Variants in RGS18 observed in about 807,000 individuals in gnomAD.
RGS18 encodes regulator of G protein signaling 18, also known as regulator of G-protein signaling 18.
Under a neutral mutation model 27.6 loss-of-function variants are expected in RGS18, and 22 were observed. The observed-to-expected ratio is 0.80, with a 90% confidence interval of 0.57 to 1.14. The LOEUF (loss-of-function observed/expected upper bound fraction) is 1.14, where lower values mean the gene tolerates loss of function less well. Ranked by LOEUF, RGS18 falls within the 50% of genes most tolerant of loss-of-function variation. The pLI is 0.00. For missense variants in RGS18, 299 were observed against 269.6 expected (o/e 1.11, Z -0.76); for synonymous variants, 89 against 84.6 (o/e 1.05, Z -0.29).
At position 192,160,376 on chromosome 1, in the gene RGS18, A is replaced by G; in HGVS notation, c.222-2A>G. The G allele has an allele frequency of 1.2e-6, 2 of 1,607,892 alleles. No homozygotes were observed. The highest frequency in any genetic ancestry group is 1.7e-6 in the Non-Finnish European group (2 of 1,174,732). ...TTATAAAACATTTTGTTTCTTGTAC[A>G]GAGTCTCCCCTGAAGAGGCAGTGAA... On this transcript the variant is annotated splice_acceptor_variant, in intron 2 of 4. Coordinates refer to ENST00000367460, the MANE Select transcript of RGS18 (RefSeq NM_130782.3). LOFTEE classifies it high-confidence loss of function.
intron 3 of RGS18, chr1:192,169,785 A>C (rs966828011): frequency 1.3e-5 from 2 of 152,190 alleles, no homozygotes; most frequent in African/African-American, 2.4e-5. Flanking sequence ...ATACTAAGAT[A>C]CTGACCCTGC....
intron 1 of RGS18, 27 bp from the exon 2 acceptor site, chr1:192,159,193 C>A (rs372304453): frequency 1.3e-6 from 2 of 1,510,392 alleles, no homozygotes; most frequent in African/African-American, 1.4e-5. Context: ...TCTAAATTGT[C>A]CTGACATGAA....
chr1:192,180,910 G>C (rs1656441335), intron 3 of RGS18, among the ~76,000 whole-genome samples: 1 of 151,610 alleles, frequency 6.6e-6, no homozygotes, highest in African/African-American at 2.4e-5. Flanking sequence ...CCAAAGGCAT[G>C]GTGTAGAAGT....
chr1:192,163,144 G>C (rs1469756005), intron 3 of RGS18: 1 of 152,162 alleles, frequency 6.6e-6, no homozygotes, highest in Non-Finnish European at 1.5e-5. Flanking sequence ...AACAGAAATA[G>C]ATTTCTGTCA....
rs1378401082 is a variant in RGS18, at chr1:192,185,565, TTAAG to T, written c.*1015_*1018del. The T allele has an allele frequency of 4.6e-5, 7 of 151,674 alleles. No individual in the cohort carries two copies. The highest frequency in any genetic ancestry group is 8.9e-5 in the Non-Finnish European group (6 of 67,726). The allele number at this position is 151,674 out of a possible 1,614,324, so 9.4% of individuals were successfully genotyped here. ...TTATATTCTTGTTAAGCAAATCTCCTTAAGTAATTATTATTCAAATAAGATTATA... is the reference window on the plus strand; with the variant it reads ...TTATATTCTTGTTAAGCAAATCTCCTTAATTATTATTCAAATAAGATTATA... On this transcript the variant is annotated 3_prime_UTR_variant, in exon 5 of 5. Transcript: ENST00000367460.
At position 192,160,385 on chromosome 1, in the gene RGS18, C is replaced by T. The variant is rs2102149478; in HGVS notation, c.229C>T (p.Pro77Ser). 3 of 1,610,824 alleles carry T rather than the reference C, an allele frequency of 1.9e-6. No homozygotes were observed. Among genetic ancestry groups the T allele is most frequent in the East Asian group, 4.5e-5 (2 of 44,750 alleles). ...ATTTTGTTTCTTGTACAGAGTCTCCCCTGAAGAGGCAGTGAAATGGGGTGA... is the reference window on the plus strand; with the variant it reads ...ATTTTGTTTCTTGTACAGAGTCTCCTCTGAAGAGGCAGTGAAATGGGGTGA... ...GHLAKETRVSPEEAVKWGESF... is the reference protein window; with the variant it reads ...GHLAKETRVSSEEAVKWGESF... The change falls in exon 3 of 5, where the codon CCT (proline) becomes TCT (serine). Residue 77 changes from proline (P) to serine (S), a missense_variant. Transcript: ENST00000367460.
At chr1:192,161,010 C>T (rs1331764578) in intron 3 of RGS18, among the ~76,000 whole-genome samples, 4 of 152,210 alleles carry the variant, frequency 2.6e-5, no homozygotes, top group African/African-American at 7.2e-5. Context: ...CCACCACGCC[C>T]GGCTAATTTT....
intron 3 of RGS18, among the ~76,000 whole-genome samples, chr1:192,177,950 T>C (rs772965212): frequency 6.6e-6 from 1 of 151,622 alleles, no homozygotes; most frequent in Non-Finnish European, 1.5e-5. Flanking sequence ...ATGTGGATAA[T>C]AGTCTTGGAG....
At chr1:192,170,081 A>T (rs928374897) in intron 3 of RGS18, among the ~76,000 whole-genome samples, 2 of 152,212 alleles carry the variant, frequency 1.3e-5, no homozygotes, top group Non-Finnish European at 2.9e-5. Context: ...CTAACTGCCG[A>T]AAGTTTAGTT....
intron 3 of RGS18, among the ~76,000 whole-genome samples, chr1:192,175,798 G>A (rs77063035): frequency 0.019 from 2,942 of 151,908 alleles, 61 homozygotes; most frequent in South Asian, 0.073. Context: ...TACCAATTAA[G>A]CCCCCTATGT....
intron 3 of RGS18, among the ~76,000 whole-genome samples, chr1:192,178,348 G>A (rs1047860923): frequency 3.3e-5 from 5 of 151,610 alleles, no homozygotes; most frequent in African/African-American, 1.2e-4. Flanking sequence ...TGGAGCTCAG[G>A]AAAAAGGCTT....
At chr1:192,179,281 A>G (rs1656408761) in intron 3 of RGS18, among the ~76,000 whole-genome samples, 1 of 151,616 alleles carries the variant, frequency 6.6e-6, no homozygotes, top group Non-Finnish European at 1.5e-5. Flanking sequence ...GGCTATAACT[A>G]GAGAGTGAGA....
rs530209467 is a variant in RGS18, at chr1:192,184,774, GA to G, written c.*228del. The stretch of plus-strand genomic sequence containing the variant: ...TTTGATGTCATTCCATTTATAATCA[GA>G]AAAAAAACTTATTTCTTAATCAAAA... On this transcript the variant is annotated 3_prime_UTR_variant, in exon 5 of 5. Coordinates refer to ENST00000367460, the MANE Select transcript of RGS18 (RefSeq NM_130782.3). 1.2e-4 allele frequency: 50 copies of G among 421,932 alleles called. No homozygotes were observed. Among genetic ancestry groups the G allele is most frequent in the African/African-American group, 2.2e-4 (11 of 49,270 alleles). The allele number at this position is 421,932 out of a possible 1,614,324, so 26.1% of individuals were successfully genotyped here.
chr1:192,172,880 T>A (rs905735408), intron 3 of RGS18, among the ~76,000 whole-genome samples: 4 of 139,598 alleles, frequency 2.9e-5, no homozygotes, highest in African/African-American at 7.6e-5. Flanking sequence ...TATATATATA[T>A]ATAAATATAT....
Position 192,159,280 on chromosome 1 carries a change from C to T in RGS18, c.180C>T (p.Asp60=), listed in dbSNP as rs1656028836. Residue 60 remains aspartate (D), a synonymous_variant, in exon 2 of 5, where the codon GAC becomes GAT. Transcript: ENST00000367460. The part of the protein sequence containing the change: ...LLVQKPEFHE[D]TRSSRSGHLA... ...TGCAGAAACCTGAGTTTCATGAAGACACCCGCTCCAGTAGATCTGGGCACT... is the reference window on the plus strand; with the variant it reads ...TGCAGAAACCTGAGTTTCATGAAGATACCCGCTCCAGTAGATCTGGGCACT... 1 of 1,613,678 alleles carries T rather than the reference C, an allele frequency of 6.2e-7. No homozygotes were observed. Among genetic ancestry groups the T allele is most frequent in the Non-Finnish European group, 8.5e-7 (1 of 1,179,632 alleles).
At chr1:192,179,431 A>G (rs1176279737) in intron 3 of RGS18, among the ~76,000 whole-genome samples, 2 of 151,716 alleles carry the variant, frequency 1.3e-5, no homozygotes, top group South Asian at 4.1e-4. Context: ...CCATACACCC[A>G]AGCAATTTCA....
intron 3 of RGS18, among the ~76,000 whole-genome samples, chr1:192,165,065 C>T (rs1656140166): frequency 6.6e-6 from 1 of 152,088 alleles, no homozygotes; most frequent in Non-Finnish European, 1.5e-5. Flanking sequence ...AGAGAAATAT[C>T]ACTGAATTAT....
intron 3 of RGS18, among the ~76,000 whole-genome samples, chr1:192,162,296 GTTGTTTTGTT>G (rs776952030): frequency 6.6e-6 from 1 of 151,698 alleles, no homozygotes; most frequent in Non-Finnish European, 1.5e-5. Context: ...TGGTTTGTTT[GTTGTTTTGTT>G]TTGTTTTGTT....
intron 3 of RGS18, among the ~76,000 whole-genome samples, chr1:192,173,753 T>G (rs1156457868): frequency 6.6e-6 from 1 of 151,816 alleles, no homozygotes; most frequent in African/African-American, 2.4e-5. Flanking sequence ...ATTCACTTGT[T>G]TGTAATATAT....
Sources: allele counts gnomAD v4.1 joint callset (sites outside exome capture counted in the v4.1 genomes callset), GRCh38; gene constraint gnomAD v4.1.1; transcripts MANE v1.5; gene names NCBI Gene and HGNC (gene_info 2026-07-23, HGNC 2026-07-21).